NHSL2: variants seen among roughly 807,000 people sequenced by gnomAD.
NHSL2 encodes the protein NHS-like protein 2.
Under a neutral mutation model 53.4 loss-of-function variants are expected in NHSL2, and 27 were observed. The observed-to-expected ratio is 0.51, with a 90% CI of 0.37 to 0.70. The LOEUF (loss-of-function observed/expected upper bound fraction) is 0.70. Among genes scored for constraint, NHSL2 ranks in the 30% least tolerant of loss-of-function variants. The pLI, the probability that NHSL2 is intolerant of heterozygous loss-of-function variation, is 0.00. For missense variants in NHSL2, 892 were observed against 980.1 expected (o/e 0.91, Z 1.20); for synonymous variants, 408 against 404.1 (o/e 1.01, Z -0.12).
chrX:72,047,634 T>C (rs1421744172), intron 1 of NHSL2, among the ~76,000 whole-genome samples: 1 of 111,926 alleles, frequency 8.9e-6, no homozygotes, highest in Non-Finnish European at 1.9e-5. Flanking sequence ...GGAGTCCATA[T>C]GCAAATGTTT....
intron 1 of NHSL2, among the ~76,000 whole-genome samples, chrX:72,038,678 G>A (rs2042254348): frequency 8.9e-6 from 1 of 112,287 alleles, no homozygotes; most frequent in South Asian, 3.7e-4. Flanking sequence ...CTCTTTTTAT[G>A]CAAATTTAGA....
At chrX:71,930,398 A>G (rs2041706855) in intron 1 of NHSL2, among the ~76,000 whole-genome samples, 1 of 112,683 alleles carries the variant, frequency 8.9e-6, no homozygotes, top group Admixed American at 9.4e-5. Flanking sequence ...ATTGAAAATA[A>G]TTCACATACC....
intron 1 of NHSL2, chrX:72,130,574 GAA>G: frequency 8.3e-7 from 1 of 1,211,063 alleles, no homozygotes; most frequent in Non-Finnish European, 1.1e-6. Flanking sequence ...ATGATATTTC[GAA>G]CTCCAGGGAG....
At chrX:72,023,867 G>T (rs1382779393) in intron 1 of NHSL2, among the ~76,000 whole-genome samples, 1 of 112,158 alleles carries the variant, frequency 8.9e-6, no homozygotes. Context: ...GTGGGAGAGG[G>T]CCTGAGCCAA....
chrX:71,969,947 A>C (rs952062453), intron 1 of NHSL2, among the ~76,000 whole-genome samples: 2 of 111,117 alleles, frequency 1.8e-5, no homozygotes, highest in Non-Finnish European at 3.8e-5. Flanking sequence ...GTTTCCTTCT[A>C]TTTCTAGTAT....
At position 71,957,543 on chromosome X, in the gene NHSL2, G is replaced by A. The variant is rs370961783; in HGVS notation, c.280+46176G>A. ...GGCCTCCCAAAGTGCTGGGATTACA[G>A]GTGTGAGCCACAACAGCTGCATCTT... On this transcript the variant is annotated intron_variant, in intron 1 of 7. Coordinates refer to ENST00000633930, the MANE Select transcript of NHSL2 (RefSeq NM_001013627.3). Among the ~76,000 whole-genome samples the A allele has an allele frequency of 4.5e-5, 5 of 112,128 alleles. No individual in the cohort carries two copies. The East Asian group carries it at 8.4e-4, about 19-fold the overall frequency.
At chrX:71,927,767 C>T (rs1035383652) in intron 1 of NHSL2, among the ~76,000 whole-genome samples, 5 of 110,581 alleles carry the variant, frequency 4.5e-5, no homozygotes, top group African/African-American at 1.6e-4. Flanking sequence ...CCATGTTGGC[C>T]AGGCTGGTCT....
intron 1 of NHSL2, among the ~76,000 whole-genome samples, chrX:72,056,035 T>C (rs1279087468): frequency 8.9e-6 from 1 of 112,258 alleles, no homozygotes; most frequent in East Asian, 2.8e-4. Context: ...TAAATAACCA[T>C]GGAATACTAT....
At chrX:71,927,970 A>G (rs2041694075) in intron 1 of NHSL2, among the ~76,000 whole-genome samples, 1 of 112,661 alleles carries the variant, frequency 8.9e-6, no homozygotes, top group Non-Finnish European at 1.9e-5. Flanking sequence ...CTTTATAGAC[A>G]TGTTATGAAG....
At chrX:72,043,231 A>T (rs1012349480) in intron 1 of NHSL2, among the ~76,000 whole-genome samples, 1 of 111,748 alleles carries the variant, frequency 8.9e-6, no homozygotes, top group South Asian at 3.7e-4. Flanking sequence ...ACTCCTAGAA[A>T]ATATAACCCA....
rs1176246351 is a variant in NHSL2, at chrX:72,134,496, T to C, written c.565-13T>C. On this transcript the variant is annotated splice_polypyrimidine_tract_variant and intron_variant, in intron 3 of 7. Coordinates refer to ENST00000633930, the MANE Select transcript of NHSL2 (RefSeq NM_001013627.3). The stretch of plus-strand genomic sequence containing the variant: ...CAGGAATACACCCTTTCCATCACCT[T>C]CTCTCCCAACAGCCTACAAAACGGC... 1 of 1,157,815 alleles carries C rather than the reference T, an allele frequency of 8.6e-7. No homozygotes were observed. Among genetic ancestry groups the C allele is most frequent in the South Asian group, 1.9e-5 (1 of 52,318 alleles).
intron 1 of NHSL2, among the ~76,000 whole-genome samples, chrX:71,966,923 T>C (rs1421052590): frequency 1.8e-5 from 2 of 112,051 alleles, no homozygotes; most frequent in East Asian, 5.5e-4. Flanking sequence ...CTGAACTTGG[T>C]GCTTTCTGTT....
At chrX:72,061,784 G>A (rs947063517) in intron 1 of NHSL2, among the ~76,000 whole-genome samples, 1 of 111,821 alleles carries the variant, frequency 8.9e-6, no homozygotes, top group South Asian at 3.7e-4. Context: ...CTCTCACTTC[G>A]TGGCCTCATG....
intron 1 of NHSL2, among the ~76,000 whole-genome samples, chrX:71,918,648 T>G (rs1351401954): frequency 8.9e-6 from 1 of 111,864 alleles, no homozygotes; most frequent in Non-Finnish European, 1.9e-5. Flanking sequence ...ATCTCCGAGT[T>G]GTCAGCAAGA....
rs982902997 is a variant in NHSL2 at position 72,151,325 on chromosome X, A to G, written c.*7751A>G. 1 of 111,457 alleles carries G rather than the reference A, an allele frequency of 9.0e-6. No individual in the cohort carries two copies. Among genetic ancestry groups the G allele is most frequent in the African/African-American group, 3.3e-5 (1 of 30,633 alleles). The allele number at this position is 111,457 out of a possible 1,213,427, so 9.2% of individuals were successfully genotyped here. A position where few individuals can be genotyped will look rare whatever the true frequency, so the allele number is the denominator to read the frequency against. On this transcript the variant is annotated 3_prime_UTR_variant, in exon 8 of 8. Transcript: ENST00000633930. ...AGGTGTGAGCTACCGCACCCTGCCA[A>G]TATAAACTATTCTTAGCTCATGGGC...
chrX:71,916,498 G>A (rs1483907372), intron 1 of NHSL2, among the ~76,000 whole-genome samples: 1 of 111,446 alleles, frequency 9.0e-6, no homozygotes, highest in Non-Finnish European at 1.9e-5. Context: ...TTTGTGCTGG[G>A]TGCTAAAGAC....
At chrX:72,118,155 A>G (rs1204016297) in intron 1 of NHSL2, among the ~76,000 whole-genome samples, 1 of 111,501 alleles carries the variant, frequency 9.0e-6, no homozygotes, top group East Asian at 2.8e-4. Flanking sequence ...CTTTTTTATT[A>G]TAGCCATCCT....
At chrX:72,049,084 G>A (rs1284883005) in intron 1 of NHSL2, among the ~76,000 whole-genome samples, 3 of 108,366 alleles carry the variant, frequency 2.8e-5, no homozygotes, top group African/African-American at 1.0e-4. Flanking sequence ...AGGAGGGGAG[G>A]AGGAGGAGGA....
intron 1 of NHSL2, among the ~76,000 whole-genome samples, chrX:72,025,873 G>T (rs903358180): frequency 8.9e-6 from 1 of 112,062 alleles, no homozygotes; most frequent in Non-Finnish European, 1.9e-5. Flanking sequence ...CTTGCTGTTT[G>T]TGTACTCTTG....
Sources: allele counts gnomAD v4.1 joint callset (sites outside exome capture counted in the v4.1 genomes callset), GRCh38; gene constraint gnomAD v4.1.1; transcripts MANE v1.5; gene names NCBI Gene and HGNC (gene_info 2026-07-23, HGNC 2026-07-21).